Variants in NRTN observed in about 807,000 individuals in gnomAD.
The protein encoded by NRTN is neurturin.
A neutral mutation model predicts 7.5 loss-of-function variants in NRTN; 3 were observed. The ratio of observed to expected loss-of-function variants is 0.40; its 90% CI spans 0.18 to 1.03. NRTN has a LOEUF of 1.03. Among genes scored for constraint, NRTN ranks in the 50% least tolerant of loss-of-function variants. NRTN has a pLI of 0.34. For synonymous variants in NRTN, 157 were observed against 146.6 expected (o/e 1.07, Z -0.51); for missense variants, 310 against 307.0 (o/e 1.01, Z -0.07).
Position 5,806,899 on chromosome 19 carries a change from A to G in NRTN, c.-399+1448A>G, listed in dbSNP as rs1272200600. The stretch of plus-strand genomic sequence containing the variant: ...CAGCCGGGCACAACACAATCAAAAG[A>G]TTGTTTCGACAAATGTGTGTCGATG... On this transcript the variant is annotated intron_variant, in intron 1 of 2. Transcript: ENST00000303212. The surrounding 1 kb of genome is among the most constrained non-coding windows in gnomAD (Gnocchi z 5.4). Among the ~76,000 whole-genome samples, 1 of 151,986 alleles carries G rather than the reference A, an allele frequency of 6.6e-6. No individual in the cohort carries two copies. The highest frequency in any genetic ancestry group is 1.5e-5 in the Non-Finnish European group (1 of 68,002).
Position 5,828,274 on chromosome 19 carries a change from G to A in NRTN, c.*101G>A, listed in dbSNP as rs867554544. Reference sequence around the variant, plus strand: ...GCGCGTGCGTAGAGCACGCCGGCGCGGCCCCGGGACTCTCGCGATAACTGT... The same window carrying A: ...GCGCGTGCGTAGAGCACGCCGGCGCAGCCCCGGGACTCTCGCGATAACTGT... On this transcript the variant is annotated 3_prime_UTR_variant, in exon 3 of 3. Coordinates refer to ENST00000303212, the MANE Select transcript of NRTN (RefSeq NM_004558.5). 2.3e-6 allele frequency: 3 copies of A among 1,330,608 alleles called. No homozygotes were observed. The highest frequency in any genetic ancestry group is 1.5e-5 in the African/African-American group (1 of 67,238). 82.4% of individuals were successfully genotyped at this position (1,330,608 alleles called of 1,614,324 possible).
At chr19:5,811,465 C>A (rs2056990306) in intron 1 of NRTN, among the ~76,000 whole-genome samples, 1 of 152,198 alleles carries the variant, frequency 6.6e-6, no homozygotes, top group Non-Finnish European at 1.5e-5. Context: ...TACCTTGATA[C>A]AAGTTACTAC....
Position 5,827,990 on chromosome 19 carries a change from C to A in NRTN, c.411C>A (p.Ala137=). The A allele has an allele frequency of 6.8e-7, 1 of 1,461,426 alleles. No homozygotes were observed. Among genetic ancestry groups the A allele is most frequent in the Non-Finnish European group, 9.0e-7 (1 of 1,112,184 alleles). The allele number at this position is 1,461,426 out of a possible 1,614,324, so 90.5% of individuals were successfully genotyped here. A position where few individuals can be genotyped will look rare whatever the true frequency, so the allele number is the denominator to read the frequency against. Residue 137 remains alanine, a synonymous_variant, in exon 3 of 3, where the codon GCC becomes GCA. Transcript: ENST00000303212. The stretch of plus-strand genomic sequence containing the variant: ...ACTGCGCAGGCGCCTGCGAGGCTGC[C>A]GCGCGCGTCTACGACCTCGGGCTGC... ...FRYCAGACEA[A]ARVYDLGLRR...
In NRTN at chr19:5,824,214, G is replaced by A. The variant is rs772686479; in HGVS notation, c.49G>A (p.Val17Met). The A allele has an allele frequency of 2.8e-5, 45 of 1,611,860 alleles. No individual in the cohort carries two copies. In the South Asian group the frequency reaches 3.4e-4, roughly 12 times the overall value. ...CTTGGCCTCAGTGCTCTGCAGCTCC[G>A]TGCTGTCCATCTGGATGTGTCGAGA... ...AALASVLCSS[V>M]LSIWMCREGL... The change falls in exon 2 of 3, where the codon GTG (valine) becomes ATG (methionine). Residue 17 changes from valine to methionine, a missense_variant. Val to Met is a conservative substitution (Grantham distance 21, BLOSUM62 1). Coordinates refer to ENST00000303212, the MANE Select transcript of NRTN (RefSeq NM_004558.5).
chr19:5,811,657 T>A (rs980209347), intron 1 of NRTN, among the ~76,000 whole-genome samples: 3 of 151,080 alleles, frequency 2.0e-5, no homozygotes, highest in Non-Finnish European at 2.9e-5. Context: ...CTGATCCTCC[T>A]GAGTAGCTGG....
chr19:5,815,999 C>A (rs544493191), intron 1 of NRTN, among the ~76,000 whole-genome samples: 1 of 152,208 alleles, frequency 6.6e-6, no homozygotes, highest in African/African-American at 2.4e-5. Flanking sequence ...CCCGCCTTGG[C>A]CTCTCGAAGT....
At chr19:5,819,363 C>A (rs1273491624) in intron 1 of NRTN, among the ~76,000 whole-genome samples, 2 of 151,702 alleles carry the variant, frequency 1.3e-5, no homozygotes, top group Non-Finnish European at 2.9e-5. Context: ...ATCGTCTCTA[C>A]AAAAAATATA....
chr19:5,810,265 C>CAAAAA (rs756539290), intron 1 of NRTN, among the ~76,000 whole-genome samples: 1 of 89,680 alleles, frequency 1.1e-5, no homozygotes. Context: ...GACTCTGTCT[C>CAAAAA]AAAAAAAAAA....
chr19:5,826,132 C>T (rs2057045369), intron 2 of NRTN, among the ~76,000 whole-genome samples: 1 of 136,858 alleles, frequency 7.3e-6, no homozygotes, highest in Non-Finnish European at 1.5e-5. Context: ...GAGACTCCGT[C>T]TCAAAAAAAA....
At position 5,805,359 on chromosome 19, in the gene NRTN, G is replaced by T. The variant is rs1307528996; in HGVS notation, c.-491G>T. On this transcript the variant is annotated 5_prime_UTR_variant, in exon 1 of 3. Coordinates refer to ENST00000303212, the MANE Select transcript of NRTN (RefSeq NM_004558.5). ...GGCCCGGGCCCCCCCCGGGCACCGC[G>T]GGCCCAGGCGGCCCGGATGGCGGTC... 2.1e-5 allele frequency among the ~76,000 whole-genome samples: 3 copies of T among 145,020 alleles called. No homozygotes were observed. The highest frequency in any genetic ancestry group is 6.8e-5 in the Admixed American group (1 of 14,630).
At chr19:5,818,367 A>G (rs183580554) in intron 1 of NRTN, among the ~76,000 whole-genome samples, 2 of 152,236 alleles carry the variant, frequency 1.3e-5, no homozygotes, top group African/African-American at 4.8e-5. Flanking sequence ...GTGTGTGTAT[A>G]CGAGTATGAA....
chr19:5,826,221 C>T (rs897582825), intron 2 of NRTN, among the ~76,000 whole-genome samples: 2 of 152,170 alleles, frequency 1.3e-5, no homozygotes, highest in African/African-American at 4.8e-5. Flanking sequence ...CCACAAATGT[C>T]TGCTTCGATG....
At chr19:5,817,144 T>C (rs1272560507) in intron 1 of NRTN, among the ~76,000 whole-genome samples, 1 of 151,628 alleles carries the variant, frequency 6.6e-6, no homozygotes, top group Non-Finnish European at 1.5e-5. Flanking sequence ...TGAGACCGCC[T>C]GAGCAACACA....
At chr19:5,826,051 C>T (rs972508650) in intron 2 of NRTN, among the ~76,000 whole-genome samples, 5 of 151,936 alleles carry the variant, frequency 3.3e-5, no homozygotes, top group African/African-American at 4.8e-5. Context: ...GGGAGAATGG[C>T]GTGAACCCGG....
At position 5,810,704 on chromosome 19, in the gene NRTN, C is replaced by T. The variant is rs572790546; in HGVS notation, c.-399+5253C>T. On this transcript the variant is annotated intron_variant, in intron 1 of 2. Coordinates refer to ENST00000303212, the MANE Select transcript of NRTN (RefSeq NM_004558.5). ...ATCCCAGCACTTTGGGAGGCCGAGG[C>T]GGGCGGATCACGAGGTCAGATCAAG... Among the ~76,000 whole-genome samples, 485 of 152,096 alleles carry T rather than the reference C, an allele frequency of 3.2e-3. 2 individuals carry two copies. The highest frequency in any genetic ancestry group is 4.4e-3 in the Non-Finnish European group (301 of 67,948).
Position 5,815,965 on chromosome 19 carries a change from G to A in NRTN, c.-398-7803G>A, listed in dbSNP as rs547573692. 1.3e-4 allele frequency among the ~76,000 whole-genome samples: 20 copies of A among 151,572 alleles called. No homozygotes were observed. The East Asian group carries it at 2.1e-3, about 16-fold the overall frequency. ...TTGCCATGTTGGCCAGGCTGGTCTCGAACTCCTGACTTCAAGTGATCCACC... is the reference window on the plus strand; with the variant it reads ...TTGCCATGTTGGCCAGGCTGGTCTCAAACTCCTGACTTCAAGTGATCCACC... On this transcript the variant is annotated intron_variant, in intron 1 of 2. Transcript: ENST00000303212.
At chr19:5,810,601 T>G (rs377176669) in intron 1 of NRTN, among the ~76,000 whole-genome samples, 2 of 152,146 alleles carry the variant, frequency 1.3e-5, no homozygotes, top group African/African-American at 4.8e-5. Flanking sequence ...ATTGCTGGTG[T>G]TGTTATTGTT....
rs1410840635 is a variant in NRTN at position 5,828,015 on chromosome 19, C to A, written c.436C>A (p.Arg146=). Residue 146 remains arginine (R), a synonymous_variant, in exon 3 of 3, where the codon CGA becomes AGA. Transcript: ENST00000303212. ...AAARVYDLGL[R]RLRQRRRLRR... ...CGCGCGCGTCTACGACCTCGGGCTG[C>A]GACGACTGCGCCAGCGGCGGCGCCT... 1.4e-6 allele frequency: 2 copies of A among 1,434,308 alleles called. No homozygotes were observed. Among genetic ancestry groups the A allele is most frequent in the Non-Finnish European group, 1.8e-6 (2 of 1,101,460 alleles). The allele number at this position is 1,434,308 out of a possible 1,614,324, so 88.8% of individuals were successfully genotyped here.
chr19:5,812,008 T>C (rs1568396514), intron 1 of NRTN, among the ~76,000 whole-genome samples: 1 of 151,954 alleles, frequency 6.6e-6, no homozygotes, highest in Non-Finnish European at 1.5e-5. Flanking sequence ...TAGCTGGGAC[T>C]ACAGGCGCCC....
Sources: gnomAD v4.1 joint callset for allele counts (sites outside exome capture counted in the v4.1 genomes callset) on GRCh38, gnomAD v4.1.1 for gene constraint, Gnocchi (gnomAD v3.1) non-coding constraint, MANE v1.5 for transcripts, NCBI Gene and HGNC (gene_info 2026-07-23, HGNC 2026-07-21) for gene names.